TPTE: variants seen among roughly 807,000 people sequenced by gnomAD.
The protein encoded by TPTE is transmembrane phosphatase with tensin homology, also known as putative tyrosine-protein phosphatase TPTE.
Under a neutral mutation model 84.1 loss-of-function variants are expected in TPTE, and 59 were observed. The ratio of observed to expected loss-of-function variants is 0.70; its 90% CI spans 0.57 to 0.87. TPTE has a LOEUF of 0.87. Among genes scored for constraint, TPTE ranks in the 40% least tolerant of loss-of-function variants. The pLI, the probability that TPTE is intolerant of heterozygous loss-of-function variation, is 0.00. For missense variants in TPTE, 382 were observed against 659.6 expected (o/e 0.58, Z 4.61); for synonymous variants, 130 against 223.5 (o/e 0.58, Z 3.73).
At chr21:10,546,272 G>A (rs1417119777) in intron 7 of TPTE, among the ~76,000 whole-genome samples, 3 of 152,424 alleles carry the variant, frequency 2.0e-5, no homozygotes, top group East Asian at 1.9e-4. Flanking sequence ...GGGGCAACAC[G>A]AACCATGTCC....
intron 10 of TPTE, among the ~76,000 whole-genome samples, chr21:10,567,148 T>C (rs2145694394): frequency 6.9e-6 from 1 of 144,134 alleles, no homozygotes; most frequent in Non-Finnish European, 1.5e-5. Flanking sequence ...ACCTAGAGAG[T>C]AGATGGATGG....
chr21:10,588,992 A>G (rs1410387719), intron 17 of TPTE, among the ~76,000 whole-genome samples: 13 of 152,286 alleles, frequency 8.5e-5, no homozygotes, highest in Non-Finnish European at 1.5e-4. Flanking sequence ...GTTTATTGTC[A>G]TCTCTGAGTT....
At chr21:10,552,750 A>T in intron 8 of TPTE, 34 bp downstream of exon 8, 1 of 1,613,678 alleles carries the variant, frequency 6.2e-7, no homozygotes. Context: ...GGAGGGAGCC[A>T]TTGATGGATC....
intron 4 of TPTE, among the ~76,000 whole-genome samples, chr21:10,539,886 G>A (rs540136743): frequency 4.7e-4 from 71 of 152,384 alleles, no homozygotes; most frequent in African/African-American, 1.7e-3. Flanking sequence ...GCAGGCACCT[G>A]TAGTCCCTGC....
At chr21:10,533,272 T>C (rs1028617292) in intron 3 of TPTE, among the ~76,000 whole-genome samples, 4 of 152,308 alleles carry the variant, frequency 2.6e-5, no homozygotes, top group Non-Finnish European at 5.9e-5. Context: ...GTCATACTTT[T>C]ACAGTTAAGG....
intron 7 of TPTE, among the ~76,000 whole-genome samples, chr21:10,552,441 A>G (rs1245667646): frequency 6.6e-6 from 1 of 152,312 alleles, no homozygotes; most frequent in Non-Finnish European, 1.5e-5. Flanking sequence ...AGATAAAAAT[A>G]TGCAAAATTC....
intron 22 of TPTE, 129 bp from the exon 23 acceptor site, chr21:10,603,433 G>T (rs1353365293): frequency 9.6e-6 from 9 of 941,934 alleles, no homozygotes; most frequent in South Asian, 8.5e-5. Context: ...ATAGATTGCA[G>T]AGTGCCACAT....
chr21:10,584,243 C>A (rs1377099999), intron 17 of TPTE, among the ~76,000 whole-genome samples: 2 of 152,304 alleles, frequency 1.3e-5, no homozygotes, highest in Non-Finnish European at 2.9e-5. Context: ...AAATGATATC[C>A]CTTTAAAATG....
intron 19 of TPTE, among the ~76,000 whole-genome samples, chr21:10,592,816 G>A (rs1197721725): frequency 6.6e-6 from 1 of 152,094 alleles, no homozygotes; most frequent in East Asian, 1.9e-4. Context: ...GTGTGTGTGT[G>A]TGTGTGTGTG....
chr21:10,594,342 A>T (rs1367034077), intron 19 of TPTE, among the ~76,000 whole-genome samples: 205 of 152,056 alleles, frequency 1.3e-3, no homozygotes, highest in African/African-American at 4.8e-3. Context: ...TTTAGGGACT[A>T]CGTCACTTTG....
intron 21 of TPTE, among the ~76,000 whole-genome samples, chr21:10,598,540 TA>T (rs2075632235): frequency 1.3e-5 from 2 of 152,308 alleles, no homozygotes; most frequent in Non-Finnish European, 2.9e-5. Flanking sequence ...ACCCCCAAAG[TA>T]TGATTCAGGA....
At chr21:10,566,641 T>C (rs1213196074) in intron 10 of TPTE, among the ~76,000 whole-genome samples, 1 of 152,302 alleles carries the variant, frequency 6.6e-6, no homozygotes, top group South Asian at 2.1e-4. Flanking sequence ...AAAGAAAATA[T>C]AGTACATATA....
intron 5 of TPTE, among the ~76,000 whole-genome samples, chr21:10,542,089 A>T (rs1282221503): frequency 6.6e-6 from 1 of 152,308 alleles, no homozygotes; most frequent in Non-Finnish European, 1.5e-5. Context: ...CTACCTACAA[A>T]TTGGAGTTGA....
chr21:10,551,659 C>T (rs1244868766), intron 7 of TPTE, among the ~76,000 whole-genome samples: 48 of 152,394 alleles, frequency 3.1e-4, no homozygotes, highest in Non-Finnish European at 2.8e-4. Flanking sequence ...TATCAACAAA[C>T]CATTAGCTAG....
At chr21:10,562,908 A>G (rs1452931667) in intron 10 of TPTE, among the ~76,000 whole-genome samples, 3 of 152,308 alleles carry the variant, frequency 2.0e-5, no homozygotes, top group Non-Finnish European at 2.9e-5. Flanking sequence ...CAAGAAAGTT[A>G]TAAAACACCA....
chr21:10,575,566 A>G (rs1207554713), intron 14 of TPTE, among the ~76,000 whole-genome samples: 20 of 152,348 alleles, frequency 1.3e-4, no homozygotes, highest in African/African-American at 4.8e-4. Context: ...TGACTGGGTG[A>G]GAATGCCCAA....
intron 14 of TPTE, among the ~76,000 whole-genome samples, chr21:10,576,096 A>G (rs1441129990): frequency 1.3e-5 from 2 of 152,310 alleles, no homozygotes; most frequent in African/African-American, 2.4e-5. Context: ...AAGGAATATA[A>G]ATCATTGTCT....
At chr21:10,604,500 A>G (rs1245065499) in intron 23 of TPTE, among the ~76,000 whole-genome samples, 1 of 152,310 alleles carries the variant, frequency 6.6e-6, no homozygotes, top group African/African-American at 2.4e-5. Context: ...TGATTCCTTA[A>G]GTCCAGCAAG....
At chr21:10,531,922 C>A (rs2074185183) in intron 3 of TPTE, among the ~76,000 whole-genome samples, 1 of 152,294 alleles carries the variant, frequency 6.6e-6, no homozygotes, top group Non-Finnish European at 1.5e-5. Flanking sequence ...TGAAACAGTT[C>A]ATCCTTTTTC....
Sources: allele counts gnomAD v4.1 joint callset (sites outside exome capture counted in the v4.1 genomes callset), GRCh38; gene constraint gnomAD v4.1.1; transcripts MANE v1.5; gene names NCBI Gene and HGNC (gene_info 2026-07-23, HGNC 2026-07-21).